Variants in FGGY observed in about 807,000 individuals in gnomAD.
The protein encoded by FGGY is FGGY carbohydrate kinase domain containing.
A neutral mutation model predicts 71.3 loss-of-function variants in FGGY; 72 were observed. That is an observed-to-expected ratio of 1.01 (90% CI 0.84 to 1.23). The LOEUF is 1.23. Ranked by LOEUF, FGGY falls within the 50% of genes most tolerant of loss-of-function variation. The pLI is 0.00. For synonymous variants in FGGY, 251 were observed against 250.3 expected (o/e 1.00, Z -0.02); for missense variants, 668 against 682.3 (o/e 0.98, Z 0.23).
chr1:59,395,066 TG>T (rs935476561), intron 5 of FGGY, among the ~76,000 whole-genome samples: 13 of 152,106 alleles, frequency 8.5e-5, no homozygotes, highest in African/African-American at 3.1e-4. Flanking sequence ...CAGACTCTTT[TG>T]GGCAGTTACA....
intron 13 of FGGY, among the ~76,000 whole-genome samples, chr1:59,670,386 A>G (rs1433645953): frequency 6.6e-6 from 1 of 152,244 alleles, no homozygotes; most frequent in African/African-American, 2.4e-5. Flanking sequence ...AGGACTGTAG[A>G]CCTGGAACAT....
intron 10 of FGGY, among the ~76,000 whole-genome samples, chr1:59,631,902 A>G (rs1369600356): frequency 6.6e-6 from 1 of 152,180 alleles, no homozygotes; most frequent in Non-Finnish European, 1.5e-5. Flanking sequence ...CCTTATGTCA[A>G]TCATAAATTT....
intron 1 of FGGY, among the ~76,000 whole-genome samples, chr1:59,297,708 A>G (rs983277726): frequency 6.6e-6 from 1 of 151,910 alleles, no homozygotes; most frequent in African/African-American, 2.4e-5. Flanking sequence ...CTGCAGTCCC[A>G]GCTTCTCGGG....
intron 7 of FGGY, among the ~76,000 whole-genome samples, chr1:59,520,974 C>G (rs1380886697): frequency 7.2e-6 from 1 of 138,822 alleles, no homozygotes; most frequent in African/African-American, 2.8e-5. Context: ...CAGGAGGGAG[C>G]TTGTCCAAAA....
At chr1:59,439,032 C>G (rs2069156034) in intron 5 of FGGY, among the ~76,000 whole-genome samples, 1 of 151,994 alleles carries the variant, frequency 6.6e-6, no homozygotes, top group Admixed American at 6.6e-5. Context: ...TCTATTTTTC[C>G]TTGCACTTGA....
At chr1:59,734,191 G>A (rs547040025) in intron 14 of FGGY, among the ~76,000 whole-genome samples, 3 of 152,264 alleles carry the variant, frequency 2.0e-5, no homozygotes, top group South Asian at 2.1e-4. Flanking sequence ...GGGAACAGGT[G>A]TTGTATGGTT....
At chr1:59,627,491 C>T (rs7524219) in intron 10 of FGGY, among the ~76,000 whole-genome samples, 6,396 of 89,284 alleles carry the variant, frequency 0.072, 186 homozygotes, top group Non-Finnish European at 0.092. Context: ...TATATATATA[C>T]ACACACACAC....
intron 7 of FGGY, among the ~76,000 whole-genome samples, chr1:59,552,573 G>C (rs1486002474): frequency 1.3e-5 from 2 of 152,168 alleles, no homozygotes; most frequent in African/African-American, 4.8e-5. Context: ...TGAGCAGCCA[G>C]TGCCTTCAGT....
chr1:59,658,742 A>G (rs893591844), intron 11 of FGGY, among the ~76,000 whole-genome samples: 1 of 152,230 alleles, frequency 6.6e-6, no homozygotes, highest in South Asian at 2.1e-4. Context: ...AAGGAGCACA[A>G]TTAGAAACAG....
intron 14 of FGGY, among the ~76,000 whole-genome samples, chr1:59,709,656 A>G (rs2097780157): frequency 6.6e-6 from 1 of 152,332 alleles, no homozygotes; most frequent in African/African-American, 2.4e-5. Context: ...TTTAGAGGCA[A>G]GCACCTATCA....
intron 7 of FGGY, 117 bp from the exon 8 acceptor site, chr1:59,554,007 C>A: frequency 1.3e-6 from 1 of 787,096 alleles, no homozygotes; most frequent in Non-Finnish European, 2.0e-6. Flanking sequence ...CACACAGGAC[C>A]CTTCCTCCAT....
At chr1:59,340,270 A>G (rs1024371681) in intron 3 of FGGY, among the ~76,000 whole-genome samples, 4 of 152,162 alleles carry the variant, frequency 2.6e-5, no homozygotes, top group African/African-American at 4.8e-5. Flanking sequence ...ACGCTGGATT[A>G]GGGGGACTAG....
intron 12 of FGGY, among the ~76,000 whole-genome samples, chr1:59,661,864 C>T (rs180722131): frequency 4.6e-5 from 7 of 151,238 alleles, no homozygotes; most frequent in South Asian, 2.1e-4. Flanking sequence ...GGACTACAGG[C>T]GCATGCCACC....
chr1:59,302,481 A>G (rs1235394564), intron 1 of FGGY, among the ~76,000 whole-genome samples: 1 of 152,228 alleles, frequency 6.6e-6, no homozygotes, highest in Non-Finnish European at 1.5e-5. Flanking sequence ...ATGCAGCCAT[A>G]AAAAAGAACA....
rs139251269 is a variant in FGGY at position 59,582,228 on chromosome 1, A to T, written c.904-25575A>T. ...CATGCCCACTGCATTCCAGCCTGAGAACAGAGCAAGAACTTGTCTCAAAAA... is the reference window on the plus strand; with the variant it reads ...CATGCCCACTGCATTCCAGCCTGAGTACAGAGCAAGAACTTGTCTCAAAAA... On this transcript the variant is annotated intron_variant, in intron 8 of 15. Transcript: ENST00000303721. Among the ~76,000 whole-genome samples, 41 of 149,900 alleles carry T rather than the reference A, an allele frequency of 2.7e-4. 3 individuals carry two copies. Among genetic ancestry groups the T allele is most frequent in the African/African-American group, 1.0e-3 (41 of 39,668 alleles).
chr1:59,699,858 A>C (rs1473437745), intron 14 of FGGY, among the ~76,000 whole-genome samples: 1 of 152,176 alleles, frequency 6.6e-6, no homozygotes, highest in African/African-American at 2.4e-5. Flanking sequence ...TTCTGTGCGA[A>C]TGTCTCGCTT....
chr1:59,437,590 A>T (rs566245663), intron 5 of FGGY, among the ~76,000 whole-genome samples: 1 of 152,366 alleles, frequency 6.6e-6, no homozygotes, highest in East Asian at 1.9e-4. Context: ...TGCTTAACTC[A>T]TATTAACACT....
intron 6 of FGGY, among the ~76,000 whole-genome samples, chr1:59,480,891 A>C (rs752171479): frequency 3.9e-5 from 6 of 152,188 alleles, no homozygotes; most frequent in Non-Finnish European, 8.8e-5. Flanking sequence ...CCTCTAAATG[A>C]GGTCTTATAT....
rs537577359 is a variant in FGGY at position 59,591,255 on chromosome 1, G to T, written c.904-16548G>T. 5.6e-4 allele frequency among the ~76,000 whole-genome samples: 85 copies of T among 152,260 alleles called. 1 individual carries two copies. The highest frequency in any genetic ancestry group is 1.6e-3 in the African/African-American group (68 of 41,538). On this transcript the variant is annotated intron_variant, in intron 8 of 15. Transcript: ENST00000303721. ...AAGGGATGTGAAGGACCTCATCAAG[G>T]AGAACTACAAACCACTGCTCAATGA...
Sources: gnomAD v4.1 joint callset for allele counts (sites outside exome capture counted in the v4.1 genomes callset) on GRCh38, gnomAD v4.1.1 for gene constraint, MANE v1.5 for transcripts, NCBI Gene and HGNC (gene_info 2026-07-23, HGNC 2026-07-21) for gene names.